The following ROBO2 variants were observed in gnomAD, a reference collection of about 807,000 sequenced individuals.
ROBO2 encodes the protein roundabout guidance receptor 2.
Under a neutral mutation model 160.8 loss-of-function variants are expected in ROBO2, and 53 were observed. That is an observed-to-expected ratio of 0.33 (90% CI 0.26 to 0.41). The LOEUF is 0.41. Among genes scored for constraint, ROBO2 ranks in the 10% least tolerant of loss-of-function variants. The probability of loss-of-function intolerance (pLI) is 1.00; values close to 1 mark genes in which losing one functional copy is unlikely to be tolerated. For missense variants in ROBO2, 1,577 were observed against 1,722.4 expected, an observed-to-expected ratio of 0.92 and a Z score of 1.49; for synonymous variants, 664 against 611.7, an observed-to-expected ratio of 1.09 and a Z score of -1.26.
At chr3:77,573,343 AT>A (rs1192439992) in intron 13 of ROBO2, among the ~76,000 whole-genome samples, 1 of 151,946 alleles carries the variant, frequency 6.6e-6, no homozygotes, top group Non-Finnish European at 1.5e-5. Context: ...AATATATTTC[AT>A]TTTTTAATCT....
At chr3:77,118,230 C>T (rs751014022) in intron 2 of ROBO2, among the ~76,000 whole-genome samples, 2 of 152,122 alleles carry the variant, frequency 1.3e-5, no homozygotes, top group South Asian at 2.1e-4. Flanking sequence ...TTTGATATCT[C>T]AGAGCTGGCT....
intron 2 of ROBO2, among the ~76,000 whole-genome samples, chr3:76,214,469 C>T (rs746612271): frequency 7.9e-5 from 12 of 152,180 alleles, no homozygotes; most frequent in Admixed American, 2.0e-4. Flanking sequence ...CACCCTAATA[C>T]TGTGCTTTTC....
chr3:76,111,581 C>T (rs976835599), intron 2 of ROBO2, among the ~76,000 whole-genome samples: 1 of 152,024 alleles, frequency 6.6e-6, no homozygotes, highest in Non-Finnish European at 1.5e-5. Context: ...CTGCCCATTA[C>T]GATTACACAG....
intron 2 of ROBO2, among the ~76,000 whole-genome samples, chr3:77,237,164 G>T (rs1009447343): frequency 6.7e-6 from 1 of 148,330 alleles, no homozygotes; most frequent in African/African-American, 2.5e-5. Flanking sequence ...TGACCATCAT[G>T]CCTGGCCACT....
chr3:77,396,596 T>G (rs371890139), intron 2 of ROBO2, among the ~76,000 whole-genome samples: 1 of 152,128 alleles, frequency 6.6e-6, no homozygotes, highest in African/African-American at 2.4e-5. Context: ...ATCTATTAAG[T>G]TTTTTGTTTC....
At chr3:77,006,491 A>G (rs932152622) in intron 2 of ROBO2, among the ~76,000 whole-genome samples, 2 of 152,088 alleles carry the variant, frequency 1.3e-5, no homozygotes, top group Non-Finnish European at 2.9e-5. Context: ...TATATCTGCA[A>G]AAGTGACAAG....
chr3:76,285,312 T>C (rs539193635), intron 2 of ROBO2, among the ~76,000 whole-genome samples: 12 of 152,116 alleles, frequency 7.9e-5, no homozygotes, highest in Admixed American at 2.6e-4. Flanking sequence ...CAACTAGTTA[T>C]AAGCTTAAGT....
At chr3:76,054,468 A>C (rs1484363695) in intron 2 of ROBO2, among the ~76,000 whole-genome samples, 1 of 152,168 alleles carries the variant, frequency 6.6e-6, no homozygotes, top group Non-Finnish European at 1.5e-5. Context: ...CCTGTTGTTC[A>C]CTGTTATCAT....
At chr3:76,707,550 G>A (rs1180442007) in intron 2 of ROBO2, among the ~76,000 whole-genome samples, 1 of 151,684 alleles carries the variant, frequency 6.6e-6, no homozygotes, top group African/African-American at 2.4e-5. Context: ...AAGTTCCCAA[G>A]GCTGGTGACT....
chr3:77,260,195 C>T (rs941634586), intron 2 of ROBO2, among the ~76,000 whole-genome samples: 6 of 152,014 alleles, frequency 3.9e-5, no homozygotes, highest in African/African-American at 1.5e-4. Flanking sequence ...TTCATGGGTT[C>T]TCAGCAGCCC....
chr3:76,060,642 G>A (rs1212564443), intron 2 of ROBO2, among the ~76,000 whole-genome samples: 1 of 152,180 alleles, frequency 6.6e-6, no homozygotes, highest in East Asian at 1.9e-4. Flanking sequence ...TCTGACTGCT[G>A]TGGCTAATTT....
intron 2 of ROBO2, among the ~76,000 whole-genome samples, chr3:76,134,898 C>T (rs574455824): frequency 3.3e-5 from 5 of 152,156 alleles, no homozygotes; most frequent in East Asian, 1.9e-4. Context: ...GACTAAGCCA[C>T]GGTAACAAAT....
chr3:76,735,759 C>CA lies in ROBO2; in HGVS notation c.110-362239dup, dbSNP rs60229835. 4.0e-3 allele frequency among the ~76,000 whole-genome samples: 177 copies of CA among 43,786 alleles called. 2 individuals carry two copies. Among genetic ancestry groups the CA allele is most frequent in the Middle Eastern group, 0.015 (1 of 66 alleles). The allele number at this position is 43,786 out of a possible 152,430, so 28.7% of individuals were successfully genotyped here. ...AGGGTGACGGAGGGAGACCCTGTCT[C>CA]AAAAAAAAAAAAAAAAGAAAAAAAA... On this transcript the variant is annotated intron_variant, in intron 2 of 26. Coordinates refer to the ROBO2 transcript ENST00000487694.
intron 2 of ROBO2, among the ~76,000 whole-genome samples, chr3:77,116,702 A>G (rs77849140): frequency 2.0e-5 from 3 of 152,166 alleles, no homozygotes; most frequent in African/African-American, 4.8e-5. Flanking sequence ...GAGATGATGG[A>G]TGCAGGTATT....
Position 76,266,199 on chromosome 3 carries a change from A to G in ROBO2, c.109+328597A>G, listed in dbSNP as rs187279885. Among the ~76,000 whole-genome samples the G allele has an allele frequency of 4.9e-3, 741 of 152,270 alleles. 5 individuals are homozygous for G. The highest frequency in any genetic ancestry group is 5.2e-3 in the Non-Finnish European group (357 of 68,004). ...GCTGAACTATTCCTGCATCCCAGCGATAAATCCCACTTCATCATGGTGCAT... is the reference window on the plus strand; with the variant it reads ...GCTGAACTATTCCTGCATCCCAGCGGTAAATCCCACTTCATCATGGTGCAT... On this transcript the variant is annotated intron_variant, in intron 2 of 26. Coordinates refer to the ROBO2 transcript ENST00000487694.
chr3:76,821,187 A>G (rs2066092516), intron 2 of ROBO2, among the ~76,000 whole-genome samples: 1 of 151,996 alleles, frequency 6.6e-6, no homozygotes, highest in Admixed American at 6.6e-5. Context: ...ATGTGCTGGT[A>G]TTATTTTGTT....
intron 2 of ROBO2, among the ~76,000 whole-genome samples, chr3:75,940,267 A>G (rs1559769736): frequency 6.6e-6 from 1 of 152,030 alleles, no homozygotes; most frequent in East Asian, 1.9e-4. Context: ...GTATATCTCA[A>G]CTGTGTGCAA....
At chr3:76,173,893 T>G (rs1041591531) in intron 2 of ROBO2, among the ~76,000 whole-genome samples, 2 of 152,210 alleles carry the variant, frequency 1.3e-5, no homozygotes, top group Non-Finnish European at 2.9e-5. Flanking sequence ...ACGGGATTGC[T>G]GGGTCAAATA....
intron 15 of ROBO2, among the ~76,000 whole-genome samples, chr3:77,578,169 T>C (rs2093818267): frequency 6.6e-6 from 1 of 152,124 alleles, no homozygotes; most frequent in African/African-American, 2.4e-5. Flanking sequence ...GTTGATTGTC[T>C]CATTTTTCAA....
Sources: allele counts gnomAD v4.1 joint callset (sites outside exome capture counted in the v4.1 genomes callset), GRCh38; gene constraint gnomAD v4.1.1; transcripts MANE v1.5; gene names NCBI Gene and HGNC (gene_info 2026-07-23, HGNC 2026-07-21).